The following RGPD8 variants were observed in gnomAD, a reference collection of about 807,000 sequenced individuals.
RGPD8 encodes RANBP2-like and GRIP domain-containing protein 8.
RGPD8 carries 15 observed loss-of-function variants against 89.1 expected under a neutral mutation model. The observed-to-expected ratio is 0.17, with a 90% CI of 0.11 to 0.26. RGPD8 has a LOEUF of 0.26. RGPD8 is among the 10% of genes least tolerant of loss of function. The probability of loss-of-function intolerance (pLI) is 1.00; values close to 1 mark genes in which losing one functional copy is unlikely to be tolerated. For synonymous variants in RGPD8, 62 were observed against 420.9 expected, an observed-to-expected ratio of 0.15 and a Z score of 10.44; for missense variants, 178 against 1,179.6, an observed-to-expected ratio of 0.15 and a Z score of 12.44.
chr2:112,410,568 A>G (rs1449798168), intron 7 of RGPD8, among the ~76,000 whole-genome samples: 1 of 151,310 alleles, frequency 6.6e-6, no homozygotes, highest in Non-Finnish European at 1.5e-5. Flanking sequence ...ACGAGGTCAG[A>G]AGATCGAGAC....
chr2:112,376,493 A>G (rs1323413934), intron 22 of RGPD8, among the ~76,000 whole-genome samples: 1 of 112,580 alleles, frequency 8.9e-6, no homozygotes, highest in Admixed American at 8.9e-5. Context: ...TTAAAAATAT[A>G]CTTATATATA....
Position 112,433,407 on chromosome 2 carries a change from A to T in RGPD8, c.47T>A (p.Leu16Gln), listed in dbSNP as rs1394873857. 2 of 1,610,420 alleles carry T rather than the reference A, an allele frequency of 1.2e-6. No homozygotes were observed. Among genetic ancestry groups the T allele is most frequent in the South Asian group, 2.2e-5 (2 of 90,958 alleles). ...CTGTCGAGGCGACGGGGTGAGACCCAGCACCGAGGCGACGTACCGCTCCAC... is the reference window on the plus strand; with the variant it reads ...CTGTCGAGGCGACGGGGTGAGACCCTGCACCGAGGCGACGTACCGCTCCAC... ...ADVERYVASVLGLTPSPRQKS... is the reference protein window; with the variant it reads ...ADVERYVASVQGLTPSPRQKS... The change falls in exon 1 of 23, where the codon CTG (leucine) becomes CAG (glutamine). Residue 16 changes from leucine to glutamine, a missense_variant. Coordinates refer to ENST00000302558, the MANE Select transcript of RGPD8 (RefSeq NM_001164463.1).
At chr2:112,428,183 G>A (rs1417244522) in intron 1 of RGPD8, among the ~76,000 whole-genome samples, 12 of 152,248 alleles carry the variant, frequency 7.9e-5, no homozygotes, top group Non-Finnish European at 1.5e-4. Context: ...CTCAGAATTC[G>A]ATAACCAAAT....
chr2:112,416,088 C>CAAAAAAAAAA (rs1168507298), intron 6 of RGPD8, among the ~76,000 whole-genome samples: 107 of 88,888 alleles, frequency 1.2e-3, no homozygotes, highest in African/African-American at 1.4e-3. Context: ...GACTCCATCT[C>CAAAAAAAAAA]AAAAAAAAAA....
rs1235032058 is a variant in RGPD8, at chr2:112,390,067, C to T, written c.2878G>A (p.Val960Met). ...GTGCTACTTGTTTGGCCAAAAATCACACCACGGCCCTTCTTCCGGCCCCTA... is the reference window on the plus strand; with the variant it reads ...GTGCTACTTGTTTGGCCAAAAATCATACCACGGCCCTTCTTCCGGCCCCTA... ...DIRGRKKGRG[V>M]IFGQTSSTFT... Residue 960 changes from valine (V) to methionine (M), a missense_variant, in exon 20 of 23, where the codon GTG becomes ATG. By Grantham distance (21) the Val-to-Met change is conservative. Coordinates refer to ENST00000302558, the MANE Select transcript of RGPD8 (RefSeq NM_001164463.1). 1.1e-5 allele frequency: 17 copies of T among 1,573,710 alleles called. 1 individual carries two copies. Among genetic ancestry groups the T allele is most frequent in the African/African-American group, 2.8e-5 (2 of 72,420 alleles).
At chr2:112,426,200 T>C (rs1679760868) in intron 1 of RGPD8, among the ~76,000 whole-genome samples, 1 of 152,210 alleles carries the variant, frequency 6.6e-6, no homozygotes, top group Admixed American at 6.5e-5. Context: ...ACTGCCAGCA[T>C]CGCTATTCTT....
At chr2:112,387,365 TG>T (rs1295585105) in intron 20 of RGPD8, among the ~76,000 whole-genome samples, 1 of 134,876 alleles carries the variant, frequency 7.4e-6, no homozygotes, top group East Asian at 2.0e-4. Context: ...TTTTGTTTTT[TG>T]TTTTTTTTGG....
chr2:112,432,119 TGTG>T (rs907350909), intron 1 of RGPD8, among the ~76,000 whole-genome samples: 5 of 152,202 alleles, frequency 3.3e-5, no homozygotes, highest in African/African-American at 7.2e-5. Context: ...ACGACAGTGC[TGTG>T]ATTATTCAAG....
intron 1 of RGPD8, among the ~76,000 whole-genome samples, chr2:112,431,772 G>A (rs1310588015): frequency 6.6e-6 from 1 of 152,074 alleles, no homozygotes; most frequent in African/African-American, 2.4e-5. Context: ...AGGTAGCTGG[G>A]ACTACAGGCG....
chr2:112,416,155 T>A (rs1336884742), intron 6 of RGPD8, among the ~76,000 whole-genome samples: 5 of 151,288 alleles, frequency 3.3e-5, no homozygotes, highest in Non-Finnish European at 7.4e-5. Flanking sequence ...ATCTTTGATG[T>A]CCTTAAGAAA....
chr2:112,432,680 C>A, intron 1 of RGPD8: 1 of 985,366 alleles, frequency 1.0e-6, no homozygotes, highest in Non-Finnish European at 1.2e-6. Context: ...CACCCGGGTG[C>A]CCAAGCCCCC....
intron 1 of RGPD8, among the ~76,000 whole-genome samples, chr2:112,431,639 TG>T (rs1413238691): frequency 6.0e-5 from 9 of 150,526 alleles, no homozygotes; most frequent in Middle Eastern, 3.4e-3. Context: ...CGTGAGTTTC[TG>T]GTTTTTTTTT....
intron 22 of RGPD8, among the ~76,000 whole-genome samples, chr2:112,374,273 A>G (rs2104759728): frequency 6.6e-6 from 1 of 151,308 alleles, no homozygotes; most frequent in Middle Eastern, 3.4e-3. Context: ...GTGACCAGTC[A>G]GACTGACAGT....
At chr2:112,371,285 G>A (rs2104756568) in intron 22 of RGPD8, among the ~76,000 whole-genome samples, 1 of 81,438 alleles carries the variant, frequency 1.2e-5, no homozygotes, top group Non-Finnish European at 2.5e-5. Context: ...ACCAAGGCCT[G>A]GCACATTTTC....
intron 1 of RGPD8, 29 bp downstream of exon 1, chr2:112,433,353 G>C: frequency 6.3e-7 from 1 of 1,594,510 alleles, no homozygotes; most frequent in Non-Finnish European, 8.5e-7. Flanking sequence ...GCCGGGTCGA[G>C]GCCGCCGCTC....
intron 9 of RGPD8, among the ~76,000 whole-genome samples, chr2:112,402,858 A>G (rs1170112633): frequency 2.4e-5 from 1 of 41,512 alleles, no homozygotes; most frequent in South Asian, 7.7e-4. Flanking sequence ...TGAAGGAAGC[A>G]AGATAAATCA....
chr2:112,432,669 G>A (rs1449279556), intron 1 of RGPD8: 3 of 985,232 alleles, frequency 3.0e-6, no homozygotes, highest in African/African-American at 3.5e-5. Context: ...CGCCGATACA[G>A]CACCCGGGTG....
chr2:112,423,897 A>AT (rs1444569204), intron 2 of RGPD8, among the ~76,000 whole-genome samples: 2 of 152,216 alleles, frequency 1.3e-5, no homozygotes, highest in Non-Finnish European at 2.9e-5. Flanking sequence ...ATTCATTGCT[A>AT]TTTTCCATCT....
rs571014254 is a variant in RGPD8, at chr2:112,373,073, T to C, written c.5264-2861A>G. ...TCCAGCTTTAGTAGTAAAATTGAGA[T>C]TCAAATTTTGCATATAGAAGTACTA... On this transcript the variant is annotated intron_variant, in intron 22 of 22. Coordinates refer to ENST00000302558, the MANE Select transcript of RGPD8 (RefSeq NM_001164463.1). Among the ~76,000 whole-genome samples, 44 of 148,264 alleles carry C rather than the reference T, an allele frequency of 3.0e-4. 1 individual carries two copies. In the South Asian group the frequency reaches 8.8e-3, roughly 30 times the overall value.
Sources: gnomAD v4.1 joint callset for allele counts (sites outside exome capture counted in the v4.1 genomes callset) on GRCh38, gnomAD v4.1.1 for gene constraint, MANE v1.5 for transcripts, NCBI Gene and HGNC (gene_info 2026-07-23, HGNC 2026-07-21) for gene names.